The following DENND4A variants were observed in gnomAD, a reference collection of about 807,000 sequenced individuals.
DENND4A encodes C-myc promoter-binding protein.
A neutral mutation model predicts 199.3 loss-of-function variants in DENND4A; 70 were observed. The ratio of observed to expected loss-of-function variants is 0.35; its 90% confidence interval spans 0.29 to 0.43. The LOEUF (loss-of-function observed/expected upper bound fraction) is 0.43. Ranked by LOEUF, DENND4A falls within the 20% of genes least tolerant of loss-of-function variation. The probability of loss-of-function intolerance (pLI) is 1.00; values close to 1 mark genes in which losing one functional copy is unlikely to be tolerated. For missense variants in DENND4A, 1,723 were observed against 2,255.8 expected, an observed-to-expected ratio of 0.76 and a Z score of 4.78; for synonymous variants, 686 against 766.9, an observed-to-expected ratio of 0.89 and a Z score of 1.74.
intron 9 of DENND4A, 84 bp downstream of exon 9, chr15:65,731,558 T>C (rs2075959390): frequency 2.9e-6 from 3 of 1,039,642 alleles, no homozygotes; most frequent in Admixed American, 2.3e-5. Context: ...CCATCAATAT[T>C]TGAAATTTTA....
intron 18 of DENND4A, 35 bp from the exon 19 acceptor site, chr15:65,701,227 T>C (rs1280407210): frequency 2.8e-6 from 4 of 1,453,792 alleles, no homozygotes; most frequent in East Asian, 2.5e-5. Flanking sequence ...ATTAGTAAAA[T>C]AATTTTTATA....
chr15:65,695,200 A>C (rs2077102766), intron 22 of DENND4A, among the ~76,000 whole-genome samples: 1 of 152,196 alleles, frequency 6.6e-6, no homozygotes, highest in African/African-American at 2.4e-5. Context: ...TAGGTTCCGC[A>C]AACTTTTTCT....
intron 14 of DENND4A, among the ~76,000 whole-genome samples, chr15:65,706,447 A>AAC (rs77421887): frequency 0.066 from 8,649 of 130,148 alleles, 345 homozygotes; most frequent in Non-Finnish European, 0.09. Flanking sequence ...AGGGGAAAAT[A>AAC]ACACACACAC....
intron 5 of DENND4A, 74 bp downstream of exon 5, chr15:65,741,641 G>C (rs1596571709): frequency 1.4e-5 from 18 of 1,250,152 alleles, no homozygotes; most frequent in Non-Finnish European, 2.0e-5. Flanking sequence ...GACTAGGCAG[G>C]TTTCTTTACT....
intron 11 of DENND4A, among the ~76,000 whole-genome samples, chr15:65,725,766 T>TA (rs2075788456): frequency 6.6e-6 from 1 of 152,190 alleles, no homozygotes; most frequent in African/African-American, 2.4e-5. Flanking sequence ...CATGTAGCTT[T>TA]ACACTTGGTA....
chr15:65,718,760 CTTTTTTTTTTT>C (rs1038227560), intron 12 of DENND4A, among the ~76,000 whole-genome samples: 31 of 67,772 alleles, frequency 4.6e-4, no homozygotes, highest in South Asian at 1.2e-3. Context: ...GTTTTTTTTC[CTTTTTTTTTTT>C]TTTTTTTTTT....
At chr15:65,773,804 T>C (rs1355228649) in intron 1 of DENND4A, among the ~76,000 whole-genome samples, 2 of 152,200 alleles carry the variant, frequency 1.3e-5, no homozygotes, top group Non-Finnish European at 2.9e-5. Context: ...TTTCCTTCTC[T>C]CCTTCTCATC....
At chr15:65,757,866 C>T (rs138116768) in intron 2 of DENND4A, among the ~76,000 whole-genome samples, 53 of 152,042 alleles carry the variant, frequency 3.5e-4, no homozygotes, top group African/African-American at 1.1e-3. Flanking sequence ...CCTGTAATTC[C>T]GCTACTTGGG....
chr15:65,779,274 GGTGAAACCCC>G (rs1359748459), intron 1 of DENND4A, among the ~76,000 whole-genome samples: 1 of 151,776 alleles, frequency 6.6e-6, no homozygotes, highest in Non-Finnish European at 1.5e-5. Flanking sequence ...TGGCCAACAT[GGTGAAACCCC>G]GTCTCTACTA....
chr15:65,684,450 A>G (rs566550022), intron 23 of DENND4A, among the ~76,000 whole-genome samples: 5 of 152,218 alleles, frequency 3.3e-5, no homozygotes, highest in Non-Finnish European at 7.3e-5. Flanking sequence ...TCCAAATGCA[A>G]TTAATGCCTA....
chr15:65,775,283 C>A (rs1162280066), intron 1 of DENND4A, among the ~76,000 whole-genome samples: 1 of 151,678 alleles, frequency 6.6e-6, no homozygotes, highest in African/African-American at 2.4e-5. Flanking sequence ...GAGGTCAAGG[C>A]TATAGTGAGC....
At chr15:65,696,114 A>G (rs2077136695) in intron 22 of DENND4A, among the ~76,000 whole-genome samples, 1 of 152,080 alleles carries the variant, frequency 6.6e-6, no homozygotes, top group Non-Finnish European at 1.5e-5. Flanking sequence ...CCTTCCAAAA[A>G]GTCCCAACAG....
At chr15:65,697,165 T>A in intron 21 of DENND4A, 102 bp downstream of exon 21, 1 of 706,130 alleles carries the variant, frequency 1.4e-6, no homozygotes, top group Non-Finnish European at 2.3e-6. Flanking sequence ...AGAGTTATAA[T>A]GGAAAAATGG....
intron 4 of DENND4A, among the ~76,000 whole-genome samples, chr15:65,751,715 G>C (rs1045922229): frequency 6.6e-6 from 1 of 152,112 alleles, no homozygotes; most frequent in East Asian, 1.9e-4. Context: ...TTTCAAGAAG[G>C]AAGAAGTAAC....
intron 4 of DENND4A, among the ~76,000 whole-genome samples, chr15:65,746,520 G>A (rs2076402550): frequency 6.6e-6 from 1 of 150,966 alleles, no homozygotes; most frequent in Admixed American, 6.6e-5. Context: ...CCGAGTAGCT[G>A]GGATTACAGG....
Position 65,773,665 on chromosome 15 carries a change from G to A in DENND4A, c.-101-12227C>T, listed in dbSNP as rs535693470. On this transcript the variant is annotated intron_variant, in intron 1 of 32. Transcript: ENST00000443035. ...TTGAATATACCTCAATAAAGTTAGA[G>A]GGAAACATATTTGAAAGATAACAGT... Among the ~76,000 whole-genome samples the A allele has an allele frequency of 5.8e-4, 88 of 152,274 alleles. 1 individual carries two copies. Among genetic ancestry groups the A allele is most frequent in the Middle Eastern group, 3.4e-3 (1 of 294 alleles).
chr15:65,727,764 CT>C, intron 11 of DENND4A: 1 of 284,148 alleles, frequency 3.5e-6, no homozygotes, highest in South Asian at 3.3e-5. Context: ...TCAATTTCCT[CT>C]TCCCTGAATA....
At position 65,667,984 on chromosome 15, in the gene DENND4A, T is replaced by G; in HGVS notation, c.4927A>C (p.Thr1643Pro). ...GTAGAAATGAGCTTCTGTCTTCCAG[T>G]ATCTTCCTTATCCAAGGGGCCAGAA... is the stretch of plus-strand genomic sequence containing the variant. Reference protein sequence around the residue: ...STSGPLDKEDTGRQKLISTGS... With the variant: ...STSGPLDKEDPGRQKLISTGS... The change falls in exon 28 of 33, where the codon ACT (threonine) becomes CCT (proline). Residue 1643 changes from threonine (T) to proline (P), a missense_variant. This residue lies in a region of DENND4A where 141 missense variants were observed against 170.7 expected (regional missense o/e 0.83). Coordinates refer to ENST00000443035, the MANE Select transcript of DENND4A (RefSeq NM_001320835.1). 1 of 1,612,310 alleles carries G rather than the reference T, an allele frequency of 6.2e-7. No homozygotes were observed. Among genetic ancestry groups the G allele is most frequent in the Non-Finnish European group, 8.5e-7 (1 of 1,179,530 alleles).
chr15:65,674,108 C>T lies in DENND4A; in HGVS notation c.4370-2222G>A, dbSNP rs2076297532. Among the ~76,000 whole-genome samples the T allele has an allele frequency of 2.6e-5, 4 of 152,068 alleles. No individual in the cohort carries two copies. The South Asian group carries it at 8.3e-4, about 32-fold the overall frequency. On this transcript the variant is annotated intron_variant, in intron 24 of 32. Transcript: ENST00000443035. ...AAAAAGAGTTAATAGACATATCAGC[C>T]AAATGCAAATGCTGGCCCTGTATGG...
Sources: allele counts gnomAD v4.1 joint callset (sites outside exome capture counted in the v4.1 genomes callset), GRCh38; gene constraint gnomAD v4.1.1; regional missense constraint gnomAD v4.1.1; transcripts MANE v1.5; gene names NCBI Gene and HGNC (gene_info 2026-07-23, HGNC 2026-07-21).